The following CCSER2 variants were observed in gnomAD, a reference collection of about 807,000 sequenced individuals.
CCSER2 encodes the protein coiled-coil serine rich protein 2, also known as serine-rich coiled-coil domain-containing protein 2.
Under a neutral mutation model 92.3 loss-of-function variants are expected in CCSER2, and 46 were observed. That is an observed-to-expected ratio of 0.50 (90% CI 0.39 to 0.64). The LOEUF (loss-of-function observed/expected upper bound fraction) is 0.64. CCSER2 is among the 30% of genes least tolerant of loss of function. CCSER2 has a pLI of 0.00. For missense variants in CCSER2, 1,244 were observed against 1,238.9 expected, an observed-to-expected ratio of 1.00 and a Z score of -0.06; for synonymous variants, 433 against 431.4, an observed-to-expected ratio of 1.00 and a Z score of -0.04.
chr10:84,409,093 A>T (rs1919695), intron 3 of CCSER2, among the ~76,000 whole-genome samples: 6 of 151,820 alleles, frequency 4.0e-5, no homozygotes, highest in Admixed American at 2.6e-4. Context: ...CGGGTTCAAG[A>T]GATTCTCCTG....
At chr10:84,340,130 A>T (rs1455798949) in intron 1 of CCSER2, among the ~76,000 whole-genome samples, 2 of 152,196 alleles carry the variant, frequency 1.3e-5, no homozygotes, top group Admixed American at 1.3e-4. Context: ...GGTGTGAGCC[A>T]CTGCACCTGG....
chr10:84,476,303 G>C (rs568857502), intron 8 of CCSER2, among the ~76,000 whole-genome samples: 15 of 152,048 alleles, frequency 9.9e-5, no homozygotes, highest in Admixed American at 8.5e-4. Context: ...AAGTAGAAAT[G>C]TATCATTTTA....
At chr10:84,499,757 C>G (rs761547808) in intron 9 of CCSER2, 1 of 850,610 alleles carries the variant, frequency 1.2e-6, no homozygotes, top group Non-Finnish European at 1.8e-6. Flanking sequence ...TGAAATCTGT[C>G]TTCTCGTTAA....
chr10:84,379,823 A>G (rs1564615142), intron 3 of CCSER2, among the ~76,000 whole-genome samples: 2 of 152,086 alleles, frequency 1.3e-5, no homozygotes, highest in South Asian at 2.1e-4. Context: ...TGTAGTTCTA[A>G]TTCATATTTA....
At chr10:84,392,316 C>CAAAAAAA (rs71473611) in intron 3 of CCSER2, among the ~76,000 whole-genome samples, 8 of 53,850 alleles carry the variant, frequency 1.5e-4, no homozygotes, top group Admixed American at 2.4e-4. Flanking sequence ...TCTGAAGAAG[C>CAAAAAAA]AAAAAAAAAA....
intron 3 of CCSER2, among the ~76,000 whole-genome samples, chr10:84,410,099 A>G (rs183226861): frequency 9.9e-4 from 150 of 152,182 alleles, no homozygotes; most frequent in African/African-American, 3.5e-3. Context: ...ATCTCATTCC[A>G]TTTTGTGGTT....
chr10:84,481,385 A>G (rs929861305), intron 9 of CCSER2, among the ~76,000 whole-genome samples: 1 of 151,298 alleles, frequency 6.6e-6, no homozygotes, highest in African/African-American at 2.4e-5. Context: ...AATTTTTTAT[A>G]TATTTTATAT....
intron 5 of CCSER2, among the ~76,000 whole-genome samples, chr10:84,434,132 C>T (rs1843959053): frequency 6.6e-6 from 1 of 151,818 alleles, no homozygotes; most frequent in Non-Finnish European, 1.5e-5. Context: ...GCCAGTAATT[C>T]CCCCTTCATC....
chr10:84,400,351 A>G (rs1269063527), intron 3 of CCSER2, among the ~76,000 whole-genome samples: 1 of 152,066 alleles, frequency 6.6e-6, no homozygotes, highest in African/African-American at 2.4e-5. Context: ...TTTGTTTTTT[A>G]AAAAAGTCGG....
chr10:84,509,807 C>A (rs1849258037), intron 9 of CCSER2, among the ~76,000 whole-genome samples: 1 of 152,122 alleles, frequency 6.6e-6, no homozygotes, highest in Non-Finnish European at 1.5e-5. Flanking sequence ...GTTTTGTGGG[C>A]TTCCGAGGCT....
intron 1 of CCSER2, among the ~76,000 whole-genome samples, chr10:84,358,644 A>G (rs1845322195): frequency 6.7e-6 from 1 of 148,230 alleles, no homozygotes. Context: ...ATATGTATAT[A>G]TGTGTATATA....
intron 1 of CCSER2, among the ~76,000 whole-genome samples, chr10:84,357,742 G>T (rs900813163): frequency 1.3e-4 from 20 of 152,244 alleles, no homozygotes; most frequent in African/African-American, 3.6e-4. Flanking sequence ...GAGCCACCGC[G>T]CTCGGCCATA....
chr10:84,464,138 C>T, intron 7 of CCSER2, 122 bp downstream of exon 7: 1 of 541,348 alleles, frequency 1.8e-6, no homozygotes, highest in Non-Finnish European at 3.2e-6. Context: ...TTGTTCTTAA[C>T]TTTTGCTACT....
intron 8 of CCSER2, among the ~76,000 whole-genome samples, chr10:84,471,291 AAGT>A (rs1187529525): frequency 6.6e-6 from 1 of 152,122 alleles, no homozygotes; most frequent in Non-Finnish European, 1.5e-5. Context: ...ACTGAATAAA[AAGT>A]AGCATAATAT....
chr10:84,483,954 T>TGG (rs1564711422), intron 9 of CCSER2, among the ~76,000 whole-genome samples: 2 of 88,182 alleles, frequency 2.3e-5, no homozygotes, highest in African/African-American at 1.5e-4. Flanking sequence ...CCGGCTAATT[T>TGG]ATATATATAT....
At chr10:84,364,537 A>C (rs1177999244) in intron 1 of CCSER2, among the ~76,000 whole-genome samples, 1 of 152,150 alleles carries the variant, frequency 6.6e-6, no homozygotes, top group Non-Finnish European at 1.5e-5. Flanking sequence ...GGTTTTAGCT[A>C]TTTAAGATGG....
At chr10:84,416,372 C>T (rs1842887501) in intron 3 of CCSER2, among the ~76,000 whole-genome samples, 1 of 152,118 alleles carries the variant, frequency 6.6e-6, no homozygotes, top group African/African-American at 2.4e-5. Context: ...ACTGTAACTG[C>T]TTCTAATTGG....
chr10:84,359,097 C>T (rs1845358732), intron 1 of CCSER2, among the ~76,000 whole-genome samples: 2 of 152,100 alleles, frequency 1.3e-5, no homozygotes, highest in African/African-American at 4.8e-5. Context: ...CCAGGAATAT[C>T]TAATTTTCAG....
At chr10:84,417,663 C>T in intron 3 of CCSER2, 108 bp from the exon 4 acceptor site, 2 of 559,828 alleles carry the variant, frequency 3.6e-6, no homozygotes, top group South Asian at 5.4e-5. Flanking sequence ...TCTTTCAGTG[C>T]AGATAATGAG....
Sources: gnomAD v4.1 joint callset for allele counts (sites outside exome capture counted in the v4.1 genomes callset) on GRCh38, gnomAD v4.1.1 for gene constraint, MANE v1.5 for transcripts, NCBI Gene and HGNC (gene_info 2026-07-23, HGNC 2026-07-21) for gene names.